Variants in LY96 observed in about 807,000 individuals in gnomAD.
LY96 encodes myeloid differentiation protein-2.
A neutral mutation model predicts 18.9 loss-of-function variants in LY96; 18 were observed. The ratio of observed to expected loss-of-function variants is 0.95; its 90% CI spans 0.66 to 1.41. The LOEUF (loss-of-function observed/expected upper bound fraction) is 1.41, where lower values mean the gene tolerates loss of function less well. Ranked by LOEUF, LY96 falls within the 40% of genes most tolerant of loss-of-function variation. The pLI, the probability that LY96 is intolerant of heterozygous loss-of-function variation, is 0.00. For missense variants in LY96, 175 were observed against 182.4 expected, an observed-to-expected ratio of 0.96 and a Z score of 0.23; for synonymous variants, 66 against 62.6, an observed-to-expected ratio of 1.06 and a Z score of -0.26.
the LY96 span, among the ~76,000 whole-genome samples, chr8:74,044,135 A>T: frequency 2.0e-5 from 3 of 152,326 alleles, no homozygotes; most frequent in Non-Finnish European, 2.9e-5. Context: ...AACACTTAGT[A>T]AGCAAGGTGG....
At chr8:74,078,076 C>A in the LY96 span, among the ~76,000 whole-genome samples, 1 of 150,562 alleles carries the variant, frequency 6.6e-6, no homozygotes, top group Non-Finnish European at 1.5e-5. Context: ...CGACTGCACT[C>A]CAACCCGAGT....
intron 1 of LY96, among the ~76,000 whole-genome samples, chr8:73,992,629 G>A (rs1221670951): frequency 1.3e-5 from 2 of 152,154 alleles, no homozygotes; most frequent in African/African-American, 4.8e-5. Flanking sequence ...TGCCACATGT[G>A]AGGAGGAGAC....
intron 2 of LY96, among the ~76,000 whole-genome samples, chr8:74,008,380 A>C (rs1222245575): frequency 1.3e-5 from 2 of 152,198 alleles, no homozygotes; most frequent in African/African-American, 2.4e-5. Context: ...TGGTCTTTCA[A>C]CTTCTACACA....
the LY96 span, among the ~76,000 whole-genome samples, chr8:74,081,689 T>A: frequency 2.6e-5 from 4 of 152,092 alleles, no homozygotes; most frequent in Non-Finnish European, 4.4e-5. Flanking sequence ...AGTCTCACTC[T>A]GTCACCCAGG....
chr8:74,081,105 C>CT, the LY96 span, among the ~76,000 whole-genome samples: 1 of 133,622 alleles, frequency 7.5e-6, no homozygotes, highest in Non-Finnish European at 1.6e-5. Flanking sequence ...TTCTTTCTTT[C>CT]TTTCTTTCTT....
chr8:74,002,756 T>C (rs949661035), intron 1 of LY96, among the ~76,000 whole-genome samples: 12 of 151,024 alleles, frequency 7.9e-5, no homozygotes, highest in African/African-American at 2.9e-4. Flanking sequence ...ATTTTTTTCA[T>C]AGAGGTGGGG....
At chr8:74,004,908 A>G in intron 2 of LY96, 23 bp downstream of exon 2, 1 of 1,580,120 alleles carries the variant, frequency 6.3e-7, no homozygotes, top group Non-Finnish European at 8.7e-7. Flanking sequence ...TTTTGCTTTT[A>G]TAGACCAATC....
At chr8:74,056,060 G>T in the LY96 span, 1 of 158,218 alleles carries the variant, frequency 6.3e-6, no homozygotes, top group Admixed American at 6.5e-5. Context: ...AACTGCATCT[G>T]TTGGCCTCAA....
chr8:74,094,862 A>T, the LY96 span, among the ~76,000 whole-genome samples: 1 of 152,204 alleles, frequency 6.6e-6, no homozygotes, highest in South Asian at 2.1e-4. Flanking sequence ...TAAGTATATC[A>T]TCTCTTATGC....
chr8:74,071,532 TA>T, the LY96 span, among the ~76,000 whole-genome samples: 2 of 152,158 alleles, frequency 1.3e-5, no homozygotes, highest in African/African-American at 4.8e-5. Context: ...TATTAGTTAT[TA>T]AATATAGTAA....
chr8:74,083,614 A>G, the LY96 span, among the ~76,000 whole-genome samples: 1 of 152,148 alleles, frequency 6.6e-6, no homozygotes, highest in Admixed American at 6.5e-5. Flanking sequence ...ATAAGCTTTT[A>G]CTTTTATAGT....
chr8:74,018,243 A>C (rs551217541), intron 3 of LY96, among the ~76,000 whole-genome samples: 4 of 152,100 alleles, frequency 2.6e-5, no homozygotes, highest in African/African-American at 9.7e-5. Flanking sequence ...AAAAATAAAA[A>C]AAATAAATAA....
At chr8:74,047,922 A>C in the LY96 span, among the ~76,000 whole-genome samples, 2 of 152,028 alleles carry the variant, frequency 1.3e-5, no homozygotes, top group African/African-American at 4.8e-5. Flanking sequence ...ACAGGGTCTC[A>C]TTCTGTCTCC....
intron 3 of LY96, among the ~76,000 whole-genome samples, chr8:74,025,511 C>T (rs1264227968): frequency 2.0e-5 from 3 of 151,584 alleles, no homozygotes; most frequent in Non-Finnish European, 4.4e-5. Flanking sequence ...AAAAATTCGC[C>T]AGGCGTAGTG....
At chr8:74,037,333 T>C in the LY96 span, among the ~76,000 whole-genome samples, 1 of 151,750 alleles carries the variant, frequency 6.6e-6, no homozygotes, top group East Asian at 1.9e-4. Context: ...GAATGGTGAG[T>C]CTAAAAAAAT....
rs1816558082 is a variant in LY96, at chr8:74,012,886, C to CT, written c.331+2757_331+2758insT. On this transcript the variant is annotated intron_variant, in intron 3 of 4. Coordinates refer to ENST00000284818, the MANE Select transcript of LY96 (RefSeq NM_015364.5). ...TGTAAATAACATATAGTTCTATTAG[C>CT]AATAGAACTATATGTTATTGGTTTT... Among the ~76,000 whole-genome samples, 3 of 151,214 alleles carry CT rather than the reference C, an allele frequency of 2.0e-5. No individual in the cohort carries two copies. The South Asian group carries it at 6.3e-4, about 32-fold the overall frequency.
chr8:74,089,786 G>A, the LY96 span, among the ~76,000 whole-genome samples: 1 of 152,098 alleles, frequency 6.6e-6, no homozygotes, highest in Non-Finnish European at 1.5e-5. Context: ...CGTAAGGAGT[G>A]CTGTTATGAT....
At chr8:74,032,920 G>A (rs1217196711), downstream of LY96, among the ~76,000 whole-genome samples, 1 of 152,120 alleles carries the variant, frequency 6.6e-6, no homozygotes, top group Non-Finnish European at 1.5e-5. Context: ...CCTATAAAAT[G>A]CCAAGTGGAA....
At chr8:74,093,538 G>A in the LY96 span, among the ~76,000 whole-genome samples, 3 of 152,228 alleles carry the variant, frequency 2.0e-5, no homozygotes, top group Non-Finnish European at 1.5e-5. Context: ...GAGAACAAAT[G>A]TTTACCACAG....
Sources: allele counts gnomAD v4.1 joint callset (sites outside exome capture counted in the v4.1 genomes callset), GRCh38; gene constraint gnomAD v4.1.1; transcripts MANE v1.5; gene names NCBI Gene and HGNC (gene_info 2026-07-23, HGNC 2026-07-21).